Variants in ANKH observed in about 807,000 individuals in gnomAD.
The protein encoded by ANKH is mineralization regulator ANKH.
Under a neutral mutation model 49.0 loss-of-function variants are expected in ANKH, and 15 were observed. The observed-to-expected ratio is 0.31, with a 90% CI of 0.20 to 0.47. The LOEUF is 0.47. Among genes scored for constraint, ANKH ranks in the 20% least tolerant of loss-of-function variants. The pLI is 1.00. For synonymous variants in ANKH, 273 were observed against 260.0 expected (o/e 1.05, Z -0.48); for missense variants, 429 against 652.0 (o/e 0.66, Z 3.72).
At chr5:14,718,427 G>GA (rs553741662) in intron 8 of ANKH, among the ~76,000 whole-genome samples, 49 of 147,210 alleles carry the variant, frequency 3.3e-4, no homozygotes, top group Non-Finnish European at 5.7e-4. Flanking sequence ...AGAGAGAAGG[G>GA]AAAAAAAAAA....
At chr5:14,762,981 AG>A (rs1580049616) in intron 2 of ANKH, among the ~76,000 whole-genome samples, 1 of 152,236 alleles carries the variant, frequency 6.6e-6, no homozygotes, top group East Asian at 1.9e-4. Flanking sequence ...ACCTGTTTAC[AG>A]GTGGACAGCT....
At chr5:14,793,195 G>C (rs553045367) in intron 1 of ANKH, among the ~76,000 whole-genome samples, 1 of 150,318 alleles carries the variant, frequency 6.7e-6, no homozygotes, top group Non-Finnish European at 1.5e-5. Flanking sequence ...AGTTTAAGGA[G>C]GGAGGGATGC....
At chr5:14,755,504 G>GGCA (rs1250160312) in intron 4 of ANKH, among the ~76,000 whole-genome samples, 4 of 152,184 alleles carry the variant, frequency 2.6e-5, no homozygotes, top group African/African-American at 9.7e-5. Context: ...AGGCCACGCA[G>GGCA]AGGGCACCCA....
chr5:14,763,039 G>A (rs535302199), intron 2 of ANKH, among the ~76,000 whole-genome samples: 4 of 152,202 alleles, frequency 2.6e-5, no homozygotes, highest in Non-Finnish European at 4.4e-5. Context: ...TCAGATCCAC[G>A]GGTCCACTGA....
intron 1 of ANKH, among the ~76,000 whole-genome samples, chr5:14,839,263 A>G (rs1030755610): frequency 6.6e-6 from 1 of 152,164 alleles, no homozygotes; most frequent in African/African-American, 2.4e-5. Flanking sequence ...TATGTAAACT[A>G]ATTTTTTATT....
chr5:14,733,421 C>T lies in ANKH; in HGVS notation c.1011+8406G>A, dbSNP rs74421718. ...GCAAAGACCACAGACTAGCTAAAAG[C>T]ACTTCACAAGCACTGCCCGTAGGTG... On this transcript the variant is annotated intron_variant, in intron 8 of 11. Transcript: ENST00000284268. Among the ~76,000 whole-genome samples, 588 of 152,322 alleles carry T rather than the reference C, an allele frequency of 3.9e-3. 5 individuals carry two copies. The highest frequency in any genetic ancestry group is 0.013 in the African/African-American group (551 of 41,576).
intron 8 of ANKH, 164 bp downstream of exon 8, chr5:14,741,663 T>A (rs1406108132): frequency 3.2e-6 from 2 of 631,688 alleles, no homozygotes; most frequent in East Asian, 2.8e-5. Flanking sequence ...CCTCCTTGAA[T>A]AACAATCGTT....
At chr5:14,847,613 C>T (rs945194513) in intron 1 of ANKH, among the ~76,000 whole-genome samples, 2 of 152,158 alleles carry the variant, frequency 1.3e-5, no homozygotes, top group African/African-American at 4.8e-5. Context: ...GCCACGTCAG[C>T]TGAATGACAA....
chr5:14,749,731 A>G (rs1196537126), intron 5 of ANKH, among the ~76,000 whole-genome samples: 1 of 152,282 alleles, frequency 6.6e-6, no homozygotes, highest in African/African-American at 2.4e-5. Context: ...ATTTGGAATC[A>G]GTCAGCTCAC....
chr5:14,848,990 A>G (rs1340014624), intron 1 of ANKH, among the ~76,000 whole-genome samples: 2 of 152,144 alleles, frequency 1.3e-5, no homozygotes, highest in East Asian at 1.9e-4. Context: ...TCTCTTTACT[A>G]CCTGATTGGT....
At chr5:14,815,393 T>C (rs1030348459) in intron 1 of ANKH, among the ~76,000 whole-genome samples, 10 of 152,252 alleles carry the variant, frequency 6.6e-5, no homozygotes, top group South Asian at 2.1e-4. Context: ...TATGGATATA[T>C]ACTTGTGTTT....
chr5:14,764,378 A>G (rs1351292241), intron 2 of ANKH, among the ~76,000 whole-genome samples: 1 of 152,120 alleles, frequency 6.6e-6, no homozygotes, highest in South Asian at 2.1e-4. Flanking sequence ...AAAAAAGCCC[A>G]GGCAATGCTA....
At chr5:14,755,523 A>C (rs1697124) in intron 4 of ANKH, among the ~76,000 whole-genome samples, 50,847 of 151,856 alleles carry the variant, frequency 0.33, 10,354 homozygotes, top group African/African-American at 0.58. Context: ...CAGGCAAGTA[A>C]ACAGTGACCC....
At chr5:14,753,207 ACT>A (rs956621062) in intron 4 of ANKH, among the ~76,000 whole-genome samples, 70 of 152,022 alleles carry the variant, frequency 4.6e-4, no homozygotes, top group African/African-American at 1.6e-3. Flanking sequence ...GCTGCAGTTG[ACT>A]CTGTGAGGTG....
At chr5:14,800,007 T>C (rs887829641) in intron 1 of ANKH, among the ~76,000 whole-genome samples, 2 of 151,892 alleles carry the variant, frequency 1.3e-5, no homozygotes, top group Non-Finnish European at 2.9e-5. Context: ...TCCTGACTCA[T>C]GGGAGGAGGT....
intron 2 of ANKH, among the ~76,000 whole-genome samples, chr5:14,765,115 C>T (rs1229668980): frequency 6.6e-6 from 1 of 152,206 alleles, no homozygotes; most frequent in Non-Finnish European, 1.5e-5. Flanking sequence ...ACCCCGGGCT[C>T]TGTACTCTTC....
At chr5:14,767,625 C>T (rs989771528) in intron 2 of ANKH, among the ~76,000 whole-genome samples, 3 of 152,136 alleles carry the variant, frequency 2.0e-5, no homozygotes, top group African/African-American at 7.2e-5. Flanking sequence ...GAATTACTGA[C>T]AACTGATAAT....
chr5:14,720,655 G>T (rs1237333701), intron 8 of ANKH, among the ~76,000 whole-genome samples: 1 of 152,202 alleles, frequency 6.6e-6, no homozygotes, highest in Non-Finnish European at 1.5e-5. Context: ...CTGTGCCTTA[G>T]AACCTACAGG....
At chr5:14,853,965 C>T (rs530448418) in intron 1 of ANKH, among the ~76,000 whole-genome samples, 2 of 152,126 alleles carry the variant, frequency 1.3e-5, no homozygotes, top group Non-Finnish European at 2.9e-5. Context: ...GCACCTGGTC[C>T]CTCTGTAATG....
Sources: allele counts gnomAD v4.1 joint callset (sites outside exome capture counted in the v4.1 genomes callset), GRCh38; gene constraint gnomAD v4.1.1; transcripts MANE v1.5; gene names NCBI Gene and HGNC (gene_info 2026-07-23, HGNC 2026-07-21).